The following NKTR variants were observed in gnomAD, a reference collection of about 807,000 sequenced individuals.
The protein encoded by NKTR is natural killer cell triggering receptor, also known as NK-tumor recognition protein.
Under a neutral mutation model 156.3 loss-of-function variants are expected in NKTR, and 67 were observed. That is an observed-to-expected ratio of 0.43 (90% confidence interval 0.35 to 0.53). The LOEUF (loss-of-function observed/expected upper bound fraction) is 0.53. Among genes scored for constraint, NKTR ranks in the 20% least tolerant of loss-of-function variants. The pLI, the probability that NKTR is intolerant of heterozygous loss-of-function variation, is 0.01. For missense variants in NKTR, 1,604 were observed against 1,730.9 expected (o/e 0.93, Z 1.30); for synonymous variants, 640 against 596.6 (o/e 1.07, Z -1.06).
chr3:42,619,502 T>C (rs1411031175), intron 4 of NKTR, 162 bp from the exon 5 acceptor site: 3 of 1,460,904 alleles, frequency 2.1e-6, no homozygotes, highest in South Asian at 1.4e-5. Flanking sequence ...ACTTGACATA[T>C]ATTTTACAGA....
At chr3:42,620,707 AT>A (rs1288284993) in intron 5 of NKTR, 57 of 980,472 alleles carry the variant, frequency 5.8e-5, no homozygotes, top group South Asian at 9.4e-5. Context: ...TTTATCACAG[AT>A]TTTTTTTTCC....
chr3:42,631,919 G>C (rs1202387927), intron 8 of NKTR, among the ~76,000 whole-genome samples: 2 of 152,056 alleles, frequency 1.3e-5, no homozygotes, highest in Non-Finnish European at 2.9e-5. Flanking sequence ...AACACCCTTT[G>C]TTAAGATATC....
rs10712209 is a variant in NKTR, at chr3:42,618,997, CTTT to C, written c.134-7_134-5del. 7.9e-3 allele frequency: 10,566 copies of C among 1,331,952 alleles called. No homozygotes were observed. The highest frequency in any genetic ancestry group is 0.022 in the South Asian group (1,581 of 71,818). The allele number at this position is 1,331,952 out of a possible 1,614,324, so 82.5% of individuals were successfully genotyped here. ...ATGTATAAATAATTAAACTTCATTT[CTTT>C]TTTTTTTTTTTTTTTCCAGGAGAGA... is the stretch of plus-strand genomic sequence containing the variant. On this transcript the variant is annotated intron_variant, in intron 3 of 16. Coordinates refer to ENST00000232978, the MANE Select transcript of NKTR (RefSeq NM_005385.4).
At chr3:42,610,508 T>G (rs1410605753) in intron 2 of NKTR, among the ~76,000 whole-genome samples, 3 of 152,114 alleles carry the variant, frequency 2.0e-5, no homozygotes, top group Non-Finnish European at 4.4e-5. Flanking sequence ...TTAATTTATA[T>G]TTTTCTTTTT....
rs747170283 is a variant in NKTR, at chr3:42,644,041, A to T, written c.4301+38A>T. On this transcript the variant is annotated intron_variant, in intron 16 of 16. Coordinates refer to ENST00000232978, the MANE Select transcript of NKTR (RefSeq NM_005385.4). ...CCTTTATCGTCCTTTATCGCACTGT[A>T]GGCCACGGTGGGCACTTGATGTGGG... 2.8e-6 allele frequency: 4 copies of T among 1,415,108 alleles called. No homozygotes were observed. In the Admixed American group the frequency reaches 7.1e-5, roughly 25 times the overall value. 87.7% of individuals were successfully genotyped at this position (1,415,108 alleles called of 1,614,324 possible).
intron 2 of NKTR, chr3:42,601,685 C>T (rs1277896036): frequency 6.6e-6 from 1 of 152,122 alleles, no homozygotes; most frequent in African/African-American, 2.4e-5. Context: ...GAAACATTTC[C>T]TTCTAAAGCA....
rs1380975589 is a variant in NKTR at position 42,639,593 on chromosome 3, T to G, written c.3889T>G (p.Ser1297Ala). The G allele has an allele frequency of 6.2e-7, 1 of 1,614,002 alleles. No homozygotes were observed. Among genetic ancestry groups the G allele is most frequent in the Admixed American group, 1.7e-5 (1 of 60,000 alleles). Reference protein sequence around the residue: ...LNRRPRNQESSSDEQTPSRDD... With the variant: ...LNRRPRNQESASDEQTPSRDD... Reference sequence around the variant, plus strand: ...CCGTAGACCAAGAAATCAGGAGAGTTCAAGTGATGAGCAGACGCCTAGTCG... The same window carrying G: ...CCGTAGACCAAGAAATCAGGAGAGTGCAAGTGATGAGCAGACGCCTAGTCG... Residue 1297 changes from serine (S) to alanine (A), a missense_variant, in exon 13 of 17, where the codon TCA becomes GCA. Ser to Ala is a moderately conservative substitution (Grantham distance 99). Around this residue, in one of 6 missense-constraint regions of NKTR, gnomAD observed 193 missense variants for 220.2 expected, o/e 0.88. Coordinates refer to ENST00000232978, the MANE Select transcript of NKTR (RefSeq NM_005385.4).
chr3:42,637,618 TAAAA>T lies in NKTR; in HGVS notation c.1915_1918del (p.Lys639GlnfsTer13). ...ATGAGCGAATTCAGGAAATGAAAGC[TAAAA>T]CAACCCATTTGCTACCCATCCAAAG... On this transcript the variant is annotated frameshift_variant, in exon 13 of 17. Transcript: ENST00000232978. LOFTEE classifies it high-confidence loss of function. The T allele has an allele frequency of 6.2e-7, 1 of 1,610,178 alleles. No homozygotes were observed. The highest frequency in any genetic ancestry group is 8.5e-7 in the Non-Finnish European group (1 of 1,178,986).
At position 42,612,025 on chromosome 3, in the gene NKTR, C is replaced by G. The variant is rs1706871581; in HGVS notation, c.59-5545C>G. Among the ~76,000 whole-genome samples, 4 of 152,290 alleles carry G rather than the reference C, an allele frequency of 2.6e-5. No homozygotes were observed. The South Asian group carries it at 8.3e-4, about 32-fold the overall frequency. On this transcript the variant is annotated intron_variant, in intron 2 of 16. Coordinates refer to ENST00000232978, the MANE Select transcript of NKTR (RefSeq NM_005385.4). ...CTGAGGCAGGAGGATTGCTTGAGCCCAAGAGGTTGAGGATGCAGTGAGCAG... is the reference window on the plus strand; with the variant it reads ...CTGAGGCAGGAGGATTGCTTGAGCCGAAGAGGTTGAGGATGCAGTGAGCAG...
intron 2 of NKTR, among the ~76,000 whole-genome samples, chr3:42,605,824 T>A (rs1706179978): frequency 6.6e-6 from 1 of 152,176 alleles, no homozygotes; most frequent in Non-Finnish European, 1.5e-5. Flanking sequence ...ATTAACCTAA[T>A]AATAGGACTC....
chr3:42,642,120 C>G (rs1334814594), intron 13 of NKTR, among the ~76,000 whole-genome samples: 1 of 152,062 alleles, frequency 6.6e-6, no homozygotes, highest in Non-Finnish European at 1.5e-5. Context: ...AGAGATATAT[C>G]CTTGCTGAAA....
rs1470293747 is a variant in NKTR, at chr3:42,637,384, A to G, written c.1680A>G (p.Arg560=). The part of the protein sequence containing the change: ...KSRSSSKSGH[R]KRASKSPRKT... ...GATCTAGTTCCAAGTCTGGGCACCGAAAGAGAGCATCAAAATCACCAAGAA... is the reference window on the plus strand; with the variant it reads ...GATCTAGTTCCAAGTCTGGGCACCGGAAGAGAGCATCAAAATCACCAAGAA... The change falls in exon 13 of 17, where the codon CGA becomes CGG. Residue 560 remains arginine (R), a synonymous_variant. Transcript: ENST00000232978. The G allele has an allele frequency of 1.9e-6, 3 of 1,613,896 alleles. No homozygotes were observed. Among genetic ancestry groups the G allele is most frequent in the Non-Finnish European group, 2.5e-6 (3 of 1,180,000 alleles).
chr3:42,617,730 T>C (rs941198499), intron 3 of NKTR, 86 bp downstream of exon 3: 5 of 682,652 alleles, frequency 7.3e-6, no homozygotes, highest in African/African-American at 5.5e-5. Context: ...GGAAGAATAA[T>C]GGACTCGTGA....
intron 6 of NKTR, 117 bp from the exon 7 acceptor site, chr3:42,630,429 C>A: frequency 2.0e-6 from 3 of 1,519,342 alleles, no homozygotes; most frequent in South Asian, 1.3e-5. Context: ...TAACTTTTTC[C>A]CCTATCTTTT....
In NKTR at chr3:42,638,733, G is replaced by A. The variant is rs2125820079; in HGVS notation, c.3029G>A (p.Arg1010Gln). 3.7e-6 allele frequency: 6 copies of A among 1,614,008 alleles called. No individual in the cohort carries two copies. Among genetic ancestry groups the A allele is most frequent in the East Asian group, 2.2e-5 (1 of 44,882 alleles). Residue 1010 changes from arginine (R) to glutamine (Q), a missense_variant, in exon 13 of 17, where the codon CGA becomes CAA. Arg to Gln is a conservative substitution (Grantham distance 43, BLOSUM62 1). Coordinates refer to ENST00000232978, the MANE Select transcript of NKTR (RefSeq NM_005385.4). ...KKDKKHKAPK[R>Q]KQAFHWQPPL... is the part of the protein sequence containing the mutation. ...GACAAAAAGCATAAGGCTCCAAAACGAAAGCAAGCATTTCACTGGCAGCCT... is the reference window on the plus strand; with the variant it reads ...GACAAAAAGCATAAGGCTCCAAAACAAAAGCAAGCATTTCACTGGCAGCCT...
At chr3:42,627,054 C>A in intron 6 of NKTR, 1 of 536,352 alleles carries the variant, frequency 1.9e-6, no homozygotes, top group Non-Finnish European at 2.4e-6. Flanking sequence ...AAATTTAGAG[C>A]CCTCCATTTA....
At chr3:42,634,579 A>G in intron 10 of NKTR, 34 bp from the exon 11 acceptor site, 1 of 1,256,020 alleles carries the variant, frequency 8.0e-7, no homozygotes, top group Admixed American at 2.3e-5. Context: ...TTCTTTGCTT[A>G]TTTTTAATTT....
At chr3:42,629,372 TTTAAA>T (rs1320673811) in intron 6 of NKTR, 8 of 944,248 alleles carry the variant, frequency 8.5e-6, no homozygotes, top group Non-Finnish European at 1.0e-5. Context: ...TTTTAATTTT[TTTAAA>T]TTAAATTCTG....
At chr3:42,640,696 C>CGA (rs1358447728) in intron 13 of NKTR, among the ~76,000 whole-genome samples, 1 of 152,102 alleles carries the variant, frequency 6.6e-6, no homozygotes, top group Non-Finnish European at 1.5e-5. Flanking sequence ...TTCCCCTCCC[C>CGA]GCATCTCTTA....
Sources: gnomAD v4.1 joint callset for allele counts (sites outside exome capture counted in the v4.1 genomes callset) on GRCh38, gnomAD v4.1.1 for gene constraint, gnomAD v4.1.1 regional missense constraint, MANE v1.5 for transcripts, NCBI Gene and HGNC (gene_info 2026-07-23, HGNC 2026-07-21) for gene names.